The following TMEM38B variants were observed in gnomAD, a reference collection of about 807,000 sequenced individuals.
TMEM38B encodes transmembrane protein 38B.
TMEM38B carries 24 observed loss-of-function variants against 28.7 expected under a neutral mutation model. That is an observed-to-expected ratio of 0.84 (90% CI 0.61 to 1.18). The LOEUF is 1.18. Among genes scored for constraint, TMEM38B ranks in the 50% most tolerant of loss-of-function variants. The pLI is 0.00. For missense variants in TMEM38B, 380 were observed against 350.9 expected (o/e 1.08, Z -0.66); for synonymous variants, 131 against 127.7 (o/e 1.03, Z -0.17).
At chr9:105,751,474 A>G (rs1349025421) in intron 5 of TMEM38B, among the ~76,000 whole-genome samples, 2 of 152,226 alleles carry the variant, frequency 1.3e-5, no homozygotes, top group East Asian at 3.9e-4. Context: ...GCTCAGTCAT[A>G]CACAGAGACC....
At chr9:105,741,526 A>G (rs997261784) in intron 4 of TMEM38B, among the ~76,000 whole-genome samples, 1 of 152,218 alleles carries the variant, frequency 6.6e-6, no homozygotes, top group Non-Finnish European at 1.5e-5. Flanking sequence ...AAGACTTCGA[A>G]GGAAATAAGG....
chr9:105,768,699 A>G (rs894773298), intron 5 of TMEM38B, among the ~76,000 whole-genome samples: 2 of 152,116 alleles, frequency 1.3e-5, no homozygotes, highest in Non-Finnish European at 2.9e-5. Flanking sequence ...ATTGTTGATA[A>G]TAGTTTTTTG....
intron 4 of TMEM38B, among the ~76,000 whole-genome samples, chr9:105,744,376 A>G (rs1166997780): frequency 6.6e-6 from 1 of 151,938 alleles, no homozygotes; most frequent in Non-Finnish European, 1.5e-5. Context: ...TCAACCTGCC[A>G]TTTTTAACTT....
intron 5 of TMEM38B, among the ~76,000 whole-genome samples, chr9:105,763,097 A>T (rs1314793553): frequency 2.0e-5 from 3 of 148,012 alleles, no homozygotes. Context: ...CCACTTTTTG[A>T]TGGGGTTGTT....
rs371312587 is a variant in TMEM38B at position 105,748,025 on chromosome 9, A to G, written c.543-48A>G. On this transcript the variant is annotated intron_variant, in intron 4 of 5. Coordinates refer to ENST00000374692, the MANE Select transcript of TMEM38B (RefSeq NM_018112.3). The stretch of plus-strand genomic sequence containing the variant: ...AGTGCACTCTTTGAGAAAGTTAGAG[A>G]TATGTCATATTTATTACTTGCTGAT... 4.4e-5 allele frequency: 55 copies of G among 1,260,738 alleles called. No homozygotes were observed. In the East Asian group the frequency reaches 7.7e-4, roughly 18 times the overall value. 78.1% of individuals were successfully genotyped at this position (1,260,738 alleles called of 1,614,324 possible). A position where few individuals can be genotyped will look rare whatever the true frequency, so the allele number is the denominator to read the frequency against.
Position 105,758,329 on chromosome 9 carries a change from C to A in TMEM38B, c.660+10139C>A, listed in dbSNP as rs1837908338. On this transcript the variant is annotated intron_variant, in intron 5 of 5. Transcript: ENST00000374692. ...TACAGCAAGTGGCAGAGCTAGAATT[C>A]AGATCTTCCTGGTATGGCGATCTTA... 5 of 828,856 alleles carry A rather than the reference C, an allele frequency of 6.0e-6. No individual in the cohort carries two copies. In the South Asian group the frequency reaches 7.1e-5, roughly 12 times the overall value. The allele number at this position is 828,856 out of a possible 1,614,324, so 51.3% of individuals were successfully genotyped here.
At position 105,748,059 on chromosome 9, in the gene TMEM38B, T is replaced by G; in HGVS notation, c.543-14T>G. On this transcript the variant is annotated splice_polypyrimidine_tract_variant and intron_variant, in intron 4 of 5. Transcript: ENST00000374692. Reference sequence around the variant, plus strand: ...ATTTATTACTTGCTGATTTAAAATGTGTTTTATTTTCAGCCCTGCCAAGGT... The same window carrying G: ...ATTTATTACTTGCTGATTTAAAATGGGTTTTATTTTCAGCCCTGCCAAGGT... 1 of 1,544,098 alleles carries G rather than the reference T, an allele frequency of 6.5e-7. No individual in the cohort carries two copies. Among genetic ancestry groups the G allele is most frequent in the African/African-American group, 1.4e-5 (1 of 73,518 alleles).
intron 2 of TMEM38B, among the ~76,000 whole-genome samples, chr9:105,719,208 T>C (rs1009297387): frequency 6.6e-6 from 1 of 152,220 alleles, no homozygotes; most frequent in African/African-American, 2.4e-5. Flanking sequence ...GTCTTGTTTG[T>C]ATCCCGTTTG....
intron 4 of TMEM38B, among the ~76,000 whole-genome samples, chr9:105,723,370 G>A (rs1459090062): frequency 6.6e-6 from 1 of 151,804 alleles, no homozygotes; most frequent in African/African-American, 2.4e-5. Context: ...TGGGACTACA[G>A]GTGTGTGCTA....
At chr9:105,749,902 C>T (rs1033745920) in intron 5 of TMEM38B, among the ~76,000 whole-genome samples, 1 of 152,218 alleles carries the variant, frequency 6.6e-6, no homozygotes, top group South Asian at 2.1e-4. Context: ...AATTTTTAGG[C>T]CATATGTTAA....
intron 5 of TMEM38B, among the ~76,000 whole-genome samples, chr9:105,749,726 C>G (rs917802412): frequency 1.3e-5 from 2 of 152,198 alleles, no homozygotes; most frequent in African/African-American, 4.8e-5. Flanking sequence ...CACATTTTCC[C>G]CAATACTTCC....
At chr9:105,718,081 C>T (rs1016878901) in intron 2 of TMEM38B, among the ~76,000 whole-genome samples, 4 of 152,136 alleles carry the variant, frequency 2.6e-5, no homozygotes, top group African/African-American at 9.7e-5. Context: ...TGTACTTACA[C>T]AGTATATTGG....
intron 4 of TMEM38B, among the ~76,000 whole-genome samples, chr9:105,743,280 G>GT (rs1345567758): frequency 4.6e-5 from 7 of 152,146 alleles, no homozygotes; most frequent in African/African-American, 1.7e-4. Flanking sequence ...TGAATTTGTT[G>GT]TAATTTATTG....
chr9:105,759,485 G>A (rs1400772358), intron 5 of TMEM38B: 6 of 1,584,356 alleles, frequency 3.8e-6, no homozygotes, highest in Non-Finnish European at 3.4e-6. Context: ...AGAGGAGTGA[G>A]TGCTAATGAC....
At chr9:105,755,064 A>G (rs750557966) in intron 5 of TMEM38B, among the ~76,000 whole-genome samples, 2 of 152,232 alleles carry the variant, frequency 1.3e-5, no homozygotes, top group Non-Finnish European at 2.9e-5. Context: ...TCCTGGACAC[A>G]TACACCCTTG....
At chr9:105,748,975 A>G in intron 5 of TMEM38B, 1 of 1,008,738 alleles carries the variant, frequency 9.9e-7, no homozygotes, top group Non-Finnish European at 1.3e-6. Flanking sequence ...TTTGGCTAAA[A>G]ACTTATCTAC....
At chr9:105,696,891 C>G (rs894045193) in intron 1 of TMEM38B, among the ~76,000 whole-genome samples, 5 of 152,172 alleles carry the variant, frequency 3.3e-5, no homozygotes, top group Non-Finnish European at 5.9e-5. Context: ...TAGAGGCAAT[C>G]CCAGAACTGG....
intron 4 of TMEM38B, among the ~76,000 whole-genome samples, chr9:105,740,062 T>C (rs1390242778): frequency 2.0e-5 from 3 of 151,146 alleles, no homozygotes; most frequent in African/African-American, 4.9e-5. Flanking sequence ...TCTGTATTTT[T>C]AGTAGAGACG....
At chr9:105,754,709 C>T (rs1419318580) in intron 5 of TMEM38B, among the ~76,000 whole-genome samples, 1 of 152,062 alleles carries the variant, frequency 6.6e-6, no homozygotes, top group Non-Finnish European at 1.5e-5. Flanking sequence ...ATCACCTCAA[C>T]TGAAAGAACT....
Sources: allele counts gnomAD v4.1 joint callset (sites outside exome capture counted in the v4.1 genomes callset), GRCh38; gene constraint gnomAD v4.1.1; transcripts MANE v1.5; gene names NCBI Gene and HGNC (gene_info 2026-07-23, HGNC 2026-07-21).